PTPN12: variants seen among roughly 807,000 people sequenced by gnomAD.
PTPN12 encodes the protein protein tyrosine phosphatase non-receptor type 12.
A neutral mutation model predicts 97.6 loss-of-function variants in PTPN12; 29 were observed. The ratio of observed to expected loss-of-function variants is 0.30; its 90% CI spans 0.22 to 0.41. The LOEUF (loss-of-function observed/expected upper bound fraction) is 0.41. PTPN12 is among the 10% of genes least tolerant of loss of function. PTPN12 has a pLI of 1.00. For missense variants in PTPN12, 819 were observed against 926.0 expected (o/e 0.88, Z 1.50); for synonymous variants, 327 against 300.4 (o/e 1.09, Z -0.91).
chr7:77,588,744 G>A (rs190250681), intron 5 of PTPN12, among the ~76,000 whole-genome samples: 1 of 152,126 alleles, frequency 6.6e-6, no homozygotes, highest in Non-Finnish European at 1.5e-5. Context: ...ATTCAGTGGT[G>A]TTGTAACTAG....
At chr7:77,571,498 C>CATA (rs1226270302) in intron 2 of PTPN12, among the ~76,000 whole-genome samples, 5 of 152,050 alleles carry the variant, frequency 3.3e-5, no homozygotes, top group Non-Finnish European at 7.4e-5. Context: ...AAATAATAGA[C>CATA]AACTGAATAC....
At chr7:77,614,650 A>C (rs1454231157) in intron 11 of PTPN12, among the ~76,000 whole-genome samples, 1 of 152,180 alleles carries the variant, frequency 6.6e-6, no homozygotes, top group Non-Finnish European at 1.5e-5. Context: ...TGTTTTCTGT[A>C]AACTTGTAAA....
rs1201753314 is a variant in PTPN12, at chr7:77,635,833, A to T, written c.2126A>T (p.Glu709Val). The change falls in exon 15 of 18, where the codon GAA becomes GTA. Residue 709 changes from glutamate (E) to valine (V), a missense_variant. Around this residue, in one of 5 missense-constraint regions of PTPN12, gnomAD observed 607 missense variants for 577.3 expected, o/e 1.05. Transcript: ENST00000248594. ...WSELQSQERS[E>V]QKKSEGLITS... ...GAACTTCAAAGTCAGGAACGATCTGAACAAAAAAAGTCTGAAGTAAGTCCT... is the reference window on the plus strand; with the variant it reads ...GAACTTCAAAGTCAGGAACGATCTGTACAAAAAAAGTCTGAAGTAAGTCCT... 6.2e-7 allele frequency: 1 copy of T among 1,606,480 alleles called. No individual in the cohort carries two copies. The highest frequency in any genetic ancestry group is 1.3e-5 in the African/African-American group (1 of 74,740).
At chr7:77,611,867 T>G (rs1788580212) in intron 11 of PTPN12, among the ~76,000 whole-genome samples, 1 of 152,250 alleles carries the variant, frequency 6.6e-6, no homozygotes, top group African/African-American at 2.4e-5. Context: ...ATTCAACTTC[T>G]AGACCTGACA....
intron 1 of PTPN12, 38 bp downstream of exon 1, chr7:77,537,683 C>T: frequency 1.3e-6 from 2 of 1,545,060 alleles, no homozygotes; most frequent in African/African-American, 1.4e-5. Flanking sequence ...TTCTTGCCGG[C>T]GCCGGAGCCC....
intron 1 of PTPN12, among the ~76,000 whole-genome samples, chr7:77,566,294 G>A (rs1808253032): frequency 6.6e-6 from 1 of 152,158 alleles, no homozygotes; most frequent in African/African-American, 2.4e-5. Flanking sequence ...TTAAAGATTT[G>A]GTAGTTTATG....
At position 77,569,480 on chromosome 7, in the gene PTPN12, A is replaced by G. The variant is rs534327809; in HGVS notation, c.100-1598A>G. On this transcript the variant is annotated intron_variant, in intron 1 of 17. Transcript: ENST00000248594. ...TTGTAGTTTTTTGCTGTTACTAACAATGCTGCAGTGGTTGGGCGCGTGGCT... is the reference window on the plus strand; with the variant it reads ...TTGTAGTTTTTTGCTGTTACTAACAGTGCTGCAGTGGTTGGGCGCGTGGCT... Among the ~76,000 whole-genome samples the G allele has an allele frequency of 3.3e-5, 5 of 152,310 alleles. 1 individual carries two copies. Among genetic ancestry groups the G allele is most frequent in the African/African-American group, 1.2e-4 (5 of 41,570 alleles).
At chr7:77,587,495 A>T (rs1457541014) in intron 5 of PTPN12, among the ~76,000 whole-genome samples, 2 of 152,240 alleles carry the variant, frequency 1.3e-5, no homozygotes, top group Non-Finnish European at 2.9e-5. Flanking sequence ...TGCTGTAAAC[A>T]GATGTGCTGA....
intron 16 of PTPN12, among the ~76,000 whole-genome samples, chr7:77,638,113 ACGCCTG>A (rs1296521418): frequency 2.7e-5 from 4 of 150,768 alleles, no homozygotes; most frequent in Admixed American, 1.3e-4. Context: ...GCCCGCCACC[ACGCCTG>A]GCTAATTTTT....
chr7:77,566,602 C>T (rs927059039), intron 1 of PTPN12, among the ~76,000 whole-genome samples: 2 of 152,044 alleles, frequency 1.3e-5, no homozygotes, highest in African/African-American at 4.8e-5. Flanking sequence ...GCCTATAGTC[C>T]CAGCTACTCG....
Position 77,627,854 on chromosome 7 carries a change from G to T in PTPN12, c.1996+179G>T, listed in dbSNP as rs79789680. Among the ~76,000 whole-genome samples, 3 of 152,100 alleles carry T rather than the reference G, an allele frequency of 2.0e-5. No homozygotes were observed. The East Asian group carries it at 5.8e-4, about 29-fold the overall frequency. The stretch of plus-strand genomic sequence containing the variant: ...CTTTTAATGTATTGTTAACAATTTG[G>T]TCACATTATATTACTGGGTTTTGTG... On this transcript the variant is annotated intron_variant, in intron 13 of 17. Coordinates refer to ENST00000248594, the MANE Select transcript of PTPN12 (RefSeq NM_002835.4).
chr7:77,601,045 A>C (rs983968077), intron 8 of PTPN12: 1 of 418,104 alleles, frequency 2.4e-6, no homozygotes, highest in African/African-American at 2.0e-5. Flanking sequence ...GGGAAGCTAT[A>C]GAACATACTC....
chr7:77,599,317 CTTTTTTT>C (rs10624183), intron 7 of PTPN12, among the ~76,000 whole-genome samples: 1 of 123,892 alleles, frequency 8.1e-6, no homozygotes, highest in Non-Finnish European at 1.6e-5. Flanking sequence ...AGCGCCCCGA[CTTTTTTT>C]TTTTTTTTTT....
At chr7:77,628,634 G>A (rs1026302522) in intron 13 of PTPN12, among the ~76,000 whole-genome samples, 19 of 150,696 alleles carry the variant, frequency 1.3e-4, no homozygotes, top group Admixed American at 8.6e-4. Flanking sequence ...AGGCTAGAGT[G>A]CAGTGGCAAG....
chr7:77,589,344 T>C (rs1221395024), intron 5 of PTPN12, among the ~76,000 whole-genome samples: 3 of 152,210 alleles, frequency 2.0e-5, no homozygotes, highest in Non-Finnish European at 2.9e-5. Flanking sequence ...TCTGGTATCC[T>C]ACAGCATCAT....
Position 77,537,492 on chromosome 7 carries a change from C to T in PTPN12, c.-55C>T. On this transcript the variant is annotated 5_prime_UTR_variant, in exon 1 of 18. Transcript: ENST00000248594. ...TGGGGAAGACGGAGCGGGCTCTGTG[C>T]CGGGCGGGCGGGCGGCGGGGGGGCC... is the stretch of plus-strand genomic sequence containing the variant. 7.4e-7 allele frequency: 1 copy of T among 1,345,770 alleles called. No homozygotes were observed. Among genetic ancestry groups the T allele is most frequent in the Non-Finnish European group, 9.7e-7 (1 of 1,030,350 alleles). The allele number at this position is 1,345,770 out of a possible 1,614,324, so 83.4% of individuals were successfully genotyped here. A position where few individuals can be genotyped will look rare whatever the true frequency, so the allele number is the denominator to read the frequency against.
At chr7:77,571,610 C>T (rs1216273804) in intron 2 of PTPN12, among the ~76,000 whole-genome samples, 1 of 152,166 alleles carries the variant, frequency 6.6e-6, no homozygotes, top group Non-Finnish European at 1.5e-5. Flanking sequence ...ATGACTCAAA[C>T]ATCTGTGTGT....
intron 2 of PTPN12, among the ~76,000 whole-genome samples, chr7:77,574,479 C>T (rs1449728139): frequency 5.3e-5 from 8 of 152,082 alleles, no homozygotes; most frequent in South Asian, 2.1e-4. Context: ...TAAACACAGG[C>T]GGTTTTAAAG....
intron 16 of PTPN12, 130 bp downstream of exon 16, chr7:77,637,178 A>G: frequency 1.4e-6 from 1 of 704,654 alleles, no homozygotes; most frequent in Non-Finnish European, 2.3e-6. Flanking sequence ...CAACTCTTGT[A>G]GAAGCTTAAT....
Sources: allele counts gnomAD v4.1 joint callset (sites outside exome capture counted in the v4.1 genomes callset), GRCh38; gene constraint gnomAD v4.1.1; regional missense constraint gnomAD v4.1.1; transcripts MANE v1.5; gene names NCBI Gene and HGNC (gene_info 2026-07-23, HGNC 2026-07-21).